Variants in RIMS1 observed in about 807,000 individuals in gnomAD.
The protein encoded by RIMS1 is regulating synaptic membrane exocytosis protein 1.
In RIMS1, 83 loss-of-function variants were observed where a neutral mutation model predicts 214.1. The observed-to-expected ratio is 0.39, with a 90% CI of 0.32 to 0.47. The LOEUF is 0.47. Ranked by LOEUF, RIMS1 falls within the 20% of genes least tolerant of loss-of-function variation. The pLI is 0.99. For synonymous variants in RIMS1, 793 were observed against 786.8 expected (o/e 1.01, Z -0.13); for missense variants, 2,050 against 2,161.8 (o/e 0.95, Z 1.03).
intron 6 of RIMS1, among the ~76,000 whole-genome samples, chr6:72,205,565 A>G (rs1339927985): frequency 2.0e-5 from 3 of 152,278 alleles, no homozygotes; most frequent in East Asian, 3.9e-4. Flanking sequence ...TTCAAACTCA[A>G]CCAAGCCTGG....
intron 10 of RIMS1, among the ~76,000 whole-genome samples, chr6:72,245,275 A>G (rs976611561): frequency 2.2e-4 from 34 of 151,836 alleles, no homozygotes; most frequent in African/African-American, 7.5e-4. Context: ...ATTCACATAT[A>G]TAAAATAATT....
At chr6:72,204,492 A>G (rs1464795571) in intron 6 of RIMS1, among the ~76,000 whole-genome samples, 1 of 152,148 alleles carries the variant, frequency 6.6e-6, no homozygotes, top group Non-Finnish European at 1.5e-5. Flanking sequence ...CTTACCATAC[A>G]CTTTTCCATC....
At chr6:72,361,990 TG>T (rs1182516810) in intron 29 of RIMS1, among the ~76,000 whole-genome samples, 2 of 151,808 alleles carry the variant, frequency 1.3e-5, no homozygotes, top group African/African-American at 4.8e-5. Context: ...TGTATTGTAT[TG>T]TATTGTATTG....
chr6:72,276,604 A>G (rs2086552642), intron 23 of RIMS1, among the ~76,000 whole-genome samples: 1 of 152,060 alleles, frequency 6.6e-6, no homozygotes, highest in Non-Finnish European at 1.5e-5. Context: ...CTTTTTTATG[A>G]TAACATATTT....
At position 72,158,228 on chromosome 6, in the gene RIMS1, T is replaced by G. The variant is rs1158147302; in HGVS notation, c.472-21347T>G. ...CATTCACTTTTTGTTTGAATCAAAA[T>G]GCCTTTATTTTTAAAAACATGTTTT... On this transcript the variant is annotated intron_variant, in intron 4 of 33. Transcript: ENST00000521978. Among the ~76,000 whole-genome samples, 5 of 140,970 alleles carry G rather than the reference T, an allele frequency of 3.5e-5. 2 individuals are homozygous for G. Among genetic ancestry groups the G allele is most frequent in the Non-Finnish European group, 8.1e-5 (5 of 62,022 alleles). 92.5% of individuals were successfully genotyped at this position (140,970 alleles called of 152,430 possible).
chr6:72,094,828 T>G (rs550926714), intron 2 of RIMS1, among the ~76,000 whole-genome samples: 1 of 152,274 alleles, frequency 6.6e-6, no homozygotes, highest in Non-Finnish European at 1.5e-5. Context: ...CTCATTTATA[T>G]TTACTTAAAT....
chr6:72,257,816 G>T (rs1005048368), intron 16 of RIMS1, among the ~76,000 whole-genome samples: 4 of 151,974 alleles, frequency 2.6e-5, no homozygotes, highest in Non-Finnish European at 1.5e-5. Flanking sequence ...GCTAAGTCAC[G>T]AACTCGTTCA....
intron 4 of RIMS1, among the ~76,000 whole-genome samples, chr6:72,110,901 A>G (rs2035943634): frequency 6.6e-6 from 1 of 152,190 alleles, no homozygotes; most frequent in African/African-American, 2.4e-5. Flanking sequence ...TTCAGTTTTT[A>G]GTGAAGAGTA....
intron 1 of RIMS1, among the ~76,000 whole-genome samples, chr6:71,912,024 A>G (rs1777077100): frequency 6.6e-6 from 1 of 152,078 alleles, no homozygotes; most frequent in Non-Finnish European, 1.5e-5. Context: ...ATGTTCTGAA[A>G]TTTTTACTGC....
chr6:72,353,542 T>C lies in RIMS1; in HGVS notation c.4366+19707T>C, dbSNP rs2097534550. 2.0e-5 allele frequency among the ~76,000 whole-genome samples: 3 copies of C among 152,200 alleles called. No homozygotes were observed. In the South Asian group the frequency reaches 6.2e-4, roughly 32 times the overall value. ...AAAGCTTAGCCATTTCCTTGCTTTATAAAACAAAACAGAACAAAAAACGTT... is the reference window on the plus strand; with the variant it reads ...AAAGCTTAGCCATTTCCTTGCTTTACAAAACAAAACAGAACAAAAAACGTT... On this transcript the variant is annotated intron_variant, in intron 29 of 33. Coordinates refer to ENST00000521978, the MANE Select transcript of RIMS1 (RefSeq NM_014989.7).
chr6:72,186,114 A>G (rs982036396), intron 6 of RIMS1, among the ~76,000 whole-genome samples: 4 of 152,258 alleles, frequency 2.6e-5, no homozygotes, highest in African/African-American at 9.6e-5. Context: ...GTTCCTGTCA[A>G]CAGTAGGCTA....
chr6:72,264,082 C>T (rs2079322814), intron 19 of RIMS1: 2 of 810,586 alleles, frequency 2.5e-6, no homozygotes, highest in African/African-American at 3.7e-5. Flanking sequence ...TTAATATAAA[C>T]ATGATTAAAC....
At chr6:72,284,174 G>A (rs186865369) in intron 24 of RIMS1, 56 bp downstream of exon 24, 1 of 1,415,302 alleles carries the variant, frequency 7.1e-7, no homozygotes, top group South Asian at 1.2e-5. Context: ...ATATTTAGGG[G>A]TGCTGTCACT....
chr6:72,096,152 A>G (rs908905743), intron 2 of RIMS1, among the ~76,000 whole-genome samples: 1 of 152,214 alleles, frequency 6.6e-6, no homozygotes, highest in Non-Finnish European at 1.5e-5. Context: ...TTGTCCCCAC[A>G]GTCAGTAGTT....
chr6:72,359,475 G>C (rs2154381758), intron 29 of RIMS1, among the ~76,000 whole-genome samples: 1 of 151,852 alleles, frequency 6.6e-6, no homozygotes, highest in African/African-American at 2.4e-5. Flanking sequence ...AAAGCAATTT[G>C]CTTTTTTTTT....
chr6:71,962,027 T>G (rs1247264802), intron 1 of RIMS1, among the ~76,000 whole-genome samples: 3 of 152,042 alleles, frequency 2.0e-5, no homozygotes, highest in Admixed American at 1.3e-4. Flanking sequence ...TAACAGAAAA[T>G]AATAGCTTGA....
intron 1 of RIMS1, among the ~76,000 whole-genome samples, chr6:71,911,263 A>G (rs1157401656): frequency 1.3e-5 from 2 of 152,148 alleles, no homozygotes; most frequent in African/African-American, 4.8e-5. Context: ...CCATAGTCTT[A>G]CTCAACTTGG....
At chr6:71,951,341 A>G (rs557893039) in intron 1 of RIMS1, among the ~76,000 whole-genome samples, 1 of 152,306 alleles carries the variant, frequency 6.6e-6, no homozygotes, top group East Asian at 1.9e-4. Context: ...CCTGATGCTG[A>G]CAACATTGCC....
At chr6:72,185,607 G>A (rs147122666) in intron 6 of RIMS1, among the ~76,000 whole-genome samples, 2 of 152,332 alleles carry the variant, frequency 1.3e-5, no homozygotes, top group African/African-American at 4.8e-5. Context: ...AGACAGTCTG[G>A]TAGAGGGTTC....
Sources: gnomAD v4.1 joint callset for allele counts (sites outside exome capture counted in the v4.1 genomes callset) on GRCh38, gnomAD v4.1.1 for gene constraint, MANE v1.5 for transcripts, NCBI Gene and HGNC (gene_info 2026-07-23, HGNC 2026-07-21) for gene names.